The following DCAF17 variants were observed in gnomAD, a reference collection of about 807,000 sequenced individuals.
The protein encoded by DCAF17 is DDB1- and CUL4-associated factor 17.
In DCAF17, 48 loss-of-function variants were observed where a neutral mutation model predicts 66.0. That is an observed-to-expected ratio of 0.73 (90% CI 0.58 to 0.92). DCAF17 has a LOEUF of 0.92. DCAF17 is among the 40% of genes least tolerant of loss of function. The probability of loss-of-function intolerance (pLI) is 0.00; values close to 1 mark genes in which losing one functional copy is unlikely to be tolerated. For missense variants in DCAF17, 562 were observed against 622.8 expected (o/e 0.90, Z 1.04); for synonymous variants, 206 against 214.6 (o/e 0.96, Z 0.35).
At chr2:171,467,534 CA>C (rs1441166190) in intron 8 of DCAF17, among the ~76,000 whole-genome samples, 3 of 151,804 alleles carry the variant, frequency 2.0e-5, no homozygotes, top group Admixed American at 1.3e-4. Flanking sequence ...ACTAAAAAGA[CA>C]AAAACTAGCT....
chr2:171,439,778 A>G (rs1160077128), intron 2 of DCAF17, among the ~76,000 whole-genome samples: 2 of 152,036 alleles, frequency 1.3e-5, no homozygotes, highest in East Asian at 3.9e-4. Flanking sequence ...AAAAACAAAA[A>G]TTAGCTGGGC....
chr2:171,457,773 A>C (rs1695341815), intron 6 of DCAF17, among the ~76,000 whole-genome samples, 198 bp from the exon 7 acceptor site: 1 of 152,230 alleles, frequency 6.6e-6, no homozygotes, highest in African/African-American at 2.4e-5. Flanking sequence ...GTGCTCCAGT[A>C]TGAGAATCCA....
intron 2 of DCAF17, 61 bp from the exon 3 acceptor site, chr2:171,443,462 C>T (rs1021721968): frequency 6.9e-7 from 1 of 1,451,516 alleles, no homozygotes; most frequent in Non-Finnish European, 9.6e-7. Context: ...GTCTCTCAAA[C>T]CTGAACAAAT....
chr2:171,473,921 A>C lies in DCAF17; in HGVS notation c.1037A>C (p.Tyr346Ser), dbSNP rs371616391. The change falls in exon 10 of 14, where the codon TAT (tyrosine) becomes TCT (serine). Residue 346 changes from tyrosine to serine, a missense_variant. This residue lies in a region of DCAF17 where 201 missense variants were observed against 231.1 expected (regional missense o/e 0.87). Transcript: ENST00000375255. ...TGTTCTCTAGAATCTGACTGGATCT[A>C]TTTCCATCCTGATGCTTCTGGTAGA... The part of the protein sequence containing the change: ...DCCSLESDWI[Y>S]FHPDASGRII... The C allele has an allele frequency of 6.2e-7, 1 of 1,613,900 alleles. No individual in the cohort carries two copies. Among genetic ancestry groups the C allele is most frequent in the South Asian group, 1.1e-5 (1 of 91,070 alleles).
At position 171,466,512 on chromosome 2, in the gene DCAF17, C is replaced by T. The variant is rs932964290; in HGVS notation, c.839-2376C>T. Among the ~76,000 whole-genome samples the T allele has an allele frequency of 2.0e-5, 3 of 151,966 alleles. 1 individual carries two copies. The highest frequency in any genetic ancestry group is 4.4e-5 in the Non-Finnish European group (3 of 67,996). ...TTGCTTTCTCGAAACAACAGATTGT[C>T]CACACCCATCATAAAATTTTCTTAC... On this transcript the variant is annotated intron_variant, in intron 8 of 13. Coordinates refer to ENST00000375255, the MANE Select transcript of DCAF17 (RefSeq NM_025000.4).
In DCAF17 at chr2:171,434,878, T is replaced by G. The variant is rs922183050; in HGVS notation, c.126+175T>G. On this transcript the variant is annotated intron_variant, in intron 1 of 13. Transcript: ENST00000375255. ...GTGGTAATAGGGCCACCAGCTGCTTTTAGTTTTACGCTTCTTATGTCTTAC... is the reference window on the plus strand; with the variant it reads ...GTGGTAATAGGGCCACCAGCTGCTTGTAGTTTTACGCTTCTTATGTCTTAC... 1.2e-5 allele frequency: 13 copies of G among 1,129,380 alleles called. No individual in the cohort carries two copies. In the African/African-American group the frequency reaches 1.7e-4, roughly 15 times the overall value. 70.0% of individuals were successfully genotyped at this position (1,129,380 alleles called of 1,614,324 possible). A position where few individuals can be genotyped will look rare whatever the true frequency, so the allele number is the denominator to read the frequency against.
chr2:171,447,835 C>G (rs182423435), intron 3 of DCAF17, among the ~76,000 whole-genome samples: 38 of 152,338 alleles, frequency 2.5e-4, no homozygotes, highest in African/African-American at 8.7e-4. Context: ...CTTTGCTTCT[C>G]TTTTTCTTCC....
intron 2 of DCAF17, among the ~76,000 whole-genome samples, 183 bp downstream of exon 2, chr2:171,435,369 G>A (rs964304085): frequency 1.3e-5 from 2 of 152,134 alleles, no homozygotes; most frequent in African/African-American, 4.8e-5. Context: ...AAAGTTGCAG[G>A]TGTCATTTTT....
chr2:171,460,342 GT>G (rs1695510794), intron 8 of DCAF17, among the ~76,000 whole-genome samples: 1 of 145,774 alleles, frequency 6.9e-6, no homozygotes, highest in African/African-American at 2.5e-5. Flanking sequence ...AAAAAAAAAA[GT>G]GAGTAAAACA....
rs928893194 is a variant in DCAF17 at position 171,449,874 on chromosome 2, A to G, written c.459-5A>G. ...TAAATAAACTTCTCTTCATTCTTTTAAAAGATACTTGAGCTGGGACACTCC... is the reference window on the plus strand; with the variant it reads ...TAAATAAACTTCTCTTCATTCTTTTGAAAGATACTTGAGCTGGGACACTCC... On this transcript the variant is annotated splice_polypyrimidine_tract_variant and splice_region_variant and intron_variant, in intron 4 of 13. Coordinates refer to ENST00000375255, the MANE Select transcript of DCAF17 (RefSeq NM_025000.4). 1 of 1,611,668 alleles carries G rather than the reference A, an allele frequency of 6.2e-7. No individual in the cohort carries two copies. The highest frequency in any genetic ancestry group is 1.7e-5 in the Admixed American group (1 of 59,942).
intron 8 of DCAF17, among the ~76,000 whole-genome samples, chr2:171,460,621 C>G (rs923045984): frequency 4.6e-5 from 7 of 151,994 alleles, no homozygotes; most frequent in Non-Finnish European, 5.9e-5. Context: ...ACCTCCACCT[C>G]TTGGGCTCAA....
chr2:171,436,836 G>A (rs943554890), intron 2 of DCAF17, among the ~76,000 whole-genome samples: 16 of 150,008 alleles, frequency 1.1e-4, no homozygotes, highest in Admixed American at 4.7e-4. Context: ...GTGCAATGGC[G>A]TGATCTCGGC....
chr2:171,480,949 T>A (rs774945136), intron 13 of DCAF17, 25 bp from the exon 14 acceptor site: 1 of 1,613,356 alleles, frequency 6.2e-7, no homozygotes, highest in African/African-American at 1.3e-5. Context: ...TGAAAAGGAC[T>A]CCATATGATT....
intron 12 of DCAF17, among the ~76,000 whole-genome samples, chr2:171,478,934 G>T (rs1036468282): frequency 1.3e-5 from 2 of 152,132 alleles, no homozygotes; most frequent in African/African-American, 4.8e-5. Flanking sequence ...TTCATTAAGG[G>T]GGGAGAGGTG....
At chr2:171,434,984 T>G in intron 1 of DCAF17, 99 bp from the exon 2 acceptor site, 1 of 1,155,654 alleles carries the variant, frequency 8.7e-7, no homozygotes, top group Non-Finnish European at 1.2e-6. Context: ...GCAAAAAGTT[T>G]TAAAATAATA....
rs1263737102 is a variant in DCAF17, at chr2:171,484,652, G to A, written c.*3538G>A. 1 of 453,624 alleles carries A rather than the reference G, an allele frequency of 2.2e-6. No individual in the cohort carries two copies. The highest frequency in any genetic ancestry group is 1.6e-5 in the South Asian group (1 of 64,348). The allele number at this position is 453,624 out of a possible 1,614,324, so 28.1% of individuals were successfully genotyped here. ...TTAAGTATAAATTTACTGAGTTCTT[G>A]CAGACATATACACCTGTGTAACCCA... On this transcript the variant is annotated 3_prime_UTR_variant, in exon 14 of 14. Transcript: ENST00000375255.
chr2:171,435,209 G>A (rs745369769), intron 2 of DCAF17, 23 bp downstream of exon 2: 1 of 1,546,506 alleles, frequency 6.5e-7, no homozygotes, highest in Non-Finnish European at 8.9e-7. Flanking sequence ...TGATAATTTT[G>A]CTGTAATTCA....
At chr2:171,434,794 C>G in intron 1 of DCAF17, 91 bp downstream of exon 1, 1 of 1,387,112 alleles carries the variant, frequency 7.2e-7, no homozygotes, top group Non-Finnish European at 9.3e-7. Flanking sequence ...GCGCTGGGGC[C>G]TCCCTTTATA....
chr2:171,464,355 C>A (rs566438639), intron 8 of DCAF17, among the ~76,000 whole-genome samples: 1 of 152,168 alleles, frequency 6.6e-6, no homozygotes. Flanking sequence ...AGAATCCTTT[C>A]TTACCCCTTC....
Sources: gnomAD v4.1 joint callset for allele counts (sites outside exome capture counted in the v4.1 genomes callset) on GRCh38, gnomAD v4.1.1 for gene constraint, gnomAD v4.1.1 regional missense constraint, MANE v1.5 for transcripts, NCBI Gene and HGNC (gene_info 2026-07-23, HGNC 2026-07-21) for gene names.